DNAH14: variants seen among roughly 807,000 people sequenced by gnomAD.
DNAH14 encodes axonemal beta dynein heavy chain 14.
DNAH14 carries 478 observed loss-of-function variants against 520.9 expected under a neutral mutation model. The observed-to-expected ratio is 0.92, with a 90% CI of 0.85 to 0.99. The LOEUF (loss-of-function observed/expected upper bound fraction) is 0.99, where lower values mean the gene tolerates loss of function less well. Among genes scored for constraint, DNAH14 ranks in the 50% least tolerant of loss-of-function variants. The probability of loss-of-function intolerance (pLI) is 0.00; values close to 1 mark genes in which losing one functional copy is unlikely to be tolerated. For missense variants in DNAH14, 4,831 were observed against 5,234.5 expected (o/e 0.92, Z 2.38); for synonymous variants, 1,581 against 1,757.2 (o/e 0.90, Z 2.51).
intron 42 of DNAH14, among the ~76,000 whole-genome samples, chr1:225,239,434 C>T (rs2091833150): frequency 6.6e-6 from 1 of 152,086 alleles, no homozygotes; most frequent in African/African-American, 2.4e-5. Context: ...GAAGGGGGTT[C>T]CTTTGGCTAT....
intron 41 of DNAH14, among the ~76,000 whole-genome samples, chr1:225,219,271 G>A (rs550475699): frequency 6.6e-6 from 1 of 151,748 alleles, no homozygotes; most frequent in Non-Finnish European, 1.5e-5. Flanking sequence ...AGAAGCAAGA[G>A]CAAACAAATT....
chr1:225,074,923 A>C (rs1489037000), intron 17 of DNAH14, among the ~76,000 whole-genome samples: 2 of 152,152 alleles, frequency 1.3e-5, no homozygotes, highest in Non-Finnish European at 2.9e-5. Flanking sequence ...GCACCCCCAG[A>C]CTATCACTGC....
rs773468638 is a variant in DNAH14, at chr1:225,364,906, G to A, written c.12090+12G>A. 216 of 1,523,944 alleles carry A rather than the reference G, an allele frequency of 1.4e-4. No individual in the cohort carries two copies. The highest frequency in any genetic ancestry group is 1.8e-4 in the Non-Finnish European group (207 of 1,129,998). The allele number at this position is 1,523,944 out of a possible 1,614,324, so 94.4% of individuals were successfully genotyped here. On this transcript the variant is annotated intron_variant, in intron 76 of 85. Coordinates refer to ENST00000682510, the MANE Select transcript of DNAH14 (RefSeq NM_001367479.1). ...AAAAGGGTTTAAAGGTAAGAACAAAGTATAACAGATTTAATGTTGACTGAG... is the reference window on the plus strand; with the variant it reads ...AAAAGGGTTTAAAGGTAAGAACAAAATATAACAGATTTAATGTTGACTGAG...
intron 35 of DNAH14, 116 bp from the exon 36 acceptor site, chr1:225,167,823 G>T (rs12754116): frequency 0.12 from 64,778 of 524,822 alleles, 4,684 homozygotes; most frequent in East Asian, 0.3. Flanking sequence ...AAAAAATCAA[G>T]AATTACTATC....
At chr1:225,345,640 T>C (rs1241748563) in intron 69 of DNAH14, among the ~76,000 whole-genome samples, 4 of 152,202 alleles carry the variant, frequency 2.6e-5, no homozygotes, top group South Asian at 2.1e-4. Flanking sequence ...TCTATGTGTA[T>C]AGTGGGTCAT....
chr1:225,073,300 T>C (rs1261782018), intron 17 of DNAH14, among the ~76,000 whole-genome samples: 1 of 151,624 alleles, frequency 6.6e-6, no homozygotes, highest in Non-Finnish European at 1.5e-5. Context: ...CTGGTACTGC[T>C]AAGTTGCCCA....
At chr1:225,008,072 C>T (rs2064334428) in intron 10 of DNAH14, among the ~76,000 whole-genome samples, 1 of 151,974 alleles carries the variant, frequency 6.6e-6, no homozygotes, top group Admixed American at 6.6e-5. Context: ...TATCCCTCCC[C>T]TTACCCCCAA....
intron 36 of DNAH14, among the ~76,000 whole-genome samples, chr1:225,174,027 C>T (rs370999086): frequency 2.0e-5 from 3 of 152,040 alleles, no homozygotes; most frequent in South Asian, 2.1e-4. Flanking sequence ...AACCAAACAC[C>T]GCATGTTCTC....
At chr1:224,950,789 G>A (rs2060117962) in intron 1 of DNAH14, among the ~76,000 whole-genome samples, 1 of 152,086 alleles carries the variant, frequency 6.6e-6, no homozygotes, top group Non-Finnish European at 1.5e-5. Context: ...TTAGTGATAG[G>A]TAACACTAAC....
chr1:225,288,551 G>C (rs993928698), intron 54 of DNAH14, among the ~76,000 whole-genome samples: 52 of 152,018 alleles, frequency 3.4e-4, no homozygotes, highest in Non-Finnish European at 8.8e-5. Flanking sequence ...ATGCTAATAG[G>C]GGAAATTGGA....
intron 22 of DNAH14, among the ~76,000 whole-genome samples, chr1:225,099,683 A>C (rs1033272669): frequency 6.6e-6 from 1 of 152,148 alleles, no homozygotes; most frequent in Non-Finnish European, 1.5e-5. Context: ...AGAACAAGGG[A>C]ATCCCAGAAG....
rs1451008672 is a variant in DNAH14 at position 225,085,629 on chromosome 1, T to C, written c.3413T>C (p.Ile1138Thr). 1 of 1,551,242 alleles carries C rather than the reference T, an allele frequency of 6.4e-7. No individual in the cohort carries two copies. Among genetic ancestry groups the C allele is most frequent in the Non-Finnish European group, 8.7e-7 (1 of 1,146,740 alleles). ...CTTGAAAAAATGCTATTTAAGATTA[T>C]TGATTTTTGGAACACTACTCCTTTG... ...AALEKMLFKI[I>T]DFWNTTPLPL... Residue 1138 changes from isoleucine to threonine, a missense_variant, in exon 21 of 86, where the codon ATT (isoleucine) becomes ACT (threonine). Transcript: ENST00000682510.
intron 48 of DNAH14, among the ~76,000 whole-genome samples, chr1:225,265,923 AAT>A (rs35658177): frequency 0.16 from 23,341 of 150,206 alleles, 2,092 homozygotes; most frequent in East Asian, 0.36. Context: ...TGTCTTAATA[AAT>A]ATATATATAT....
At chr1:225,229,009 C>G (rs1190391832) in intron 41 of DNAH14, among the ~76,000 whole-genome samples, 1 of 152,136 alleles carries the variant, frequency 6.6e-6, no homozygotes, top group Non-Finnish European at 1.5e-5. Context: ...TTTGATCTTT[C>G]GTGTGCAGGA....
chr1:225,206,921 T>C (rs923582395), intron 40 of DNAH14, 47 bp from the exon 41 acceptor site: 77 of 1,378,736 alleles, frequency 5.6e-5, no homozygotes, highest in Non-Finnish European at 5.9e-5. Context: ...AAGGATACCA[T>C]ATTTTTATTT....
chr1:225,157,276 A>G (rs1489845840), intron 34 of DNAH14, among the ~76,000 whole-genome samples: 1 of 152,180 alleles, frequency 6.6e-6, no homozygotes, highest in African/African-American at 2.4e-5. Flanking sequence ...CCAAGTATAC[A>G]CTTAAAAGAT....
chr1:225,360,805 A>G lies in DNAH14; in HGVS notation c.11901A>G (p.Ala3967=). 1 of 1,551,730 alleles carries G rather than the reference A, an allele frequency of 6.4e-7. No homozygotes were observed. The highest frequency in any genetic ancestry group is 8.7e-7 in the Non-Finnish European group (1 of 1,146,988). The part of the protein sequence containing the change: ...AAKAEDLILK[A]LTKTQQWVFL... ...AAGCTGAAGACCTCATTTTAAAGGC[A>G]CTAACAAAAACACAACAATGGGTCT... The change falls in exon 75 of 86, where the codon GCA becomes GCG. Residue 3967 remains alanine (A), a synonymous_variant. Transcript: ENST00000682510.
chr1:225,008,044 C>G (rs966554769), intron 10 of DNAH14, among the ~76,000 whole-genome samples: 1 of 151,332 alleles, frequency 6.6e-6, no homozygotes, highest in African/African-American at 2.4e-5. Context: ...CATTTACATT[C>G]GGTATTTCTC....
At chr1:224,966,872 A>G (rs971503148) in intron 5 of DNAH14, among the ~76,000 whole-genome samples, 16 of 152,152 alleles carry the variant, frequency 1.1e-4, no homozygotes, top group African/African-American at 3.9e-4. Context: ...AATTTCTGCA[A>G]TTGTTTAATG....
Sources: allele counts gnomAD v4.1 joint callset (sites outside exome capture counted in the v4.1 genomes callset), GRCh38; gene constraint gnomAD v4.1.1; transcripts MANE v1.5; gene names NCBI Gene and HGNC (gene_info 2026-07-23, HGNC 2026-07-21).